SLC9A4: variants seen among roughly 807,000 people sequenced by gnomAD.
SLC9A4 encodes solute carrier family 9 member A4, also known as sodium/hydrogen exchanger 4.
Under a neutral mutation model 67.4 loss-of-function variants are expected in SLC9A4, and 63 were observed. The observed-to-expected ratio is 0.93, with a 90% CI of 0.76 to 1.15. The LOEUF (loss-of-function observed/expected upper bound fraction) is 1.15, where lower values mean the gene tolerates loss of function less well. Among genes scored for constraint, SLC9A4 ranks in the 50% most tolerant of loss-of-function variants. The pLI is 0.00. For synonymous variants in SLC9A4, 393 were observed against 367.2 expected, an observed-to-expected ratio of 1.07 and a Z score of -0.80; for missense variants, 1,089 against 987.7, an observed-to-expected ratio of 1.10 and a Z score of -1.38.
chr2:102,494,162 T>C (rs1684759443), intron 2 of SLC9A4, among the ~76,000 whole-genome samples: 1 of 151,948 alleles, frequency 6.6e-6, no homozygotes, highest in Admixed American at 6.5e-5. Context: ...AGATTTAATA[T>C]TATGACTACA....
Position 102,508,067 on chromosome 2 carries a change from C to T in SLC9A4, c.1199-12C>T, listed in dbSNP as rs780805806. On this transcript the variant is annotated splice_polypyrimidine_tract_variant and intron_variant, in intron 4 of 11. Coordinates refer to ENST00000295269, the MANE Select transcript of SLC9A4 (RefSeq NM_001011552.4). ...TGATCCTCTGCTCTAATACACGTTT[C>T]CCCCTTTCTAGGCGTATTTGCTCTC... 5.0e-6 allele frequency: 8 copies of T among 1,613,308 alleles called. No homozygotes were observed. Among genetic ancestry groups the T allele is most frequent in the South Asian group, 2.2e-5 (2 of 91,070 alleles).
At position 102,503,765 on chromosome 2, in the gene SLC9A4, T is replaced by G. The variant is rs570624222; in HGVS notation, c.980+58T>G. ...AATAGAAAGAAAGTTTAGAACCACA[T>G]CACATGAGCCAGGCATCTGGGAAAG... On this transcript the variant is annotated intron_variant, in intron 3 of 11. Transcript: ENST00000295269. 9 of 1,583,108 alleles carry G rather than the reference T, an allele frequency of 5.7e-6. No homozygotes were observed. The East Asian group carries it at 2.0e-4, about 36-fold the overall frequency.
intron 6 of SLC9A4, among the ~76,000 whole-genome samples, chr2:102,510,276 T>TACAGATACAGATACAGATATAGAC (rs1553413619): frequency 6.9e-6 from 1 of 144,504 alleles, no homozygotes; most frequent in Admixed American, 6.8e-5. Flanking sequence ...CAGATACAGA[T>TACAGATACAGATACAGATATAGAC]ATAGATATAG....
chr2:102,490,443 T>G (rs547652292), intron 2 of SLC9A4, among the ~76,000 whole-genome samples: 1 of 152,250 alleles, frequency 6.6e-6, no homozygotes, highest in Non-Finnish European at 1.5e-5. Context: ...TTATGTGGCC[T>G]TTCTTCTGTG....
At chr2:102,479,877 G>A (rs1250088328) in intron 2 of SLC9A4, among the ~76,000 whole-genome samples, 1 of 152,172 alleles carries the variant, frequency 6.6e-6, no homozygotes, top group African/African-American at 2.4e-5. Flanking sequence ...TTTCTGGTGG[G>A]AAACTGAGAA....
At position 102,473,925 on chromosome 2, in the gene SLC9A4, G is replaced by A. The variant is rs1684274452; in HGVS notation, c.166G>A (p.Gly56Arg). 1.9e-6 allele frequency: 3 copies of A among 1,614,074 alleles called. No individual in the cohort carries two copies. The highest frequency in any genetic ancestry group is 2.5e-6 in the Non-Finnish European group (3 of 1,179,956). The change falls in exon 1 of 12, where the codon GGG becomes AGG. Residue 56 changes from glycine to arginine, a missense_variant. Coordinates refer to ENST00000295269, the MANE Select transcript of SLC9A4 (RefSeq NM_001011552.4). Reference sequence around the variant, plus strand: ...TGCTGCCAGCTCAGAGCCAGAGGAAGGGATATCTGTTTTTGAACTGGATTA... The same window carrying A: ...TGCTGCCAGCTCAGAGCCAGAGGAAAGGATATCTGTTTTTGAACTGGATTA... ...FAAASSEPEE[G>R]ISVFELDYDY...
chr2:102,515,302 C>A (rs541124230), intron 8 of SLC9A4, among the ~76,000 whole-genome samples: 1 of 151,688 alleles, frequency 6.6e-6, no homozygotes, highest in Non-Finnish European at 1.5e-5. Context: ...CATCCCTTGC[C>A]TGCTAATAAA....
chr2:102,498,200 C>T (rs1684850845), intron 2 of SLC9A4, among the ~76,000 whole-genome samples: 1 of 152,198 alleles, frequency 6.6e-6, no homozygotes, highest in African/African-American at 2.4e-5. Context: ...TCTTTTGCAA[C>T]TATAATGTTA....
chr2:102,513,949 A>C, intron 7 of SLC9A4, 141 bp from the exon 8 acceptor site: 1 of 1,198,992 alleles, frequency 8.3e-7, no homozygotes. Context: ...AATGTGTTCA[A>C]ATGCTATGAA....
At chr2:102,497,250 A>G (rs1177671905) in intron 2 of SLC9A4, among the ~76,000 whole-genome samples, 2 of 152,218 alleles carry the variant, frequency 1.3e-5, no homozygotes, top group East Asian at 3.8e-4. Flanking sequence ...ATGACTTTGA[A>G]AAACAATTTG....
chr2:102,510,784 C>T (rs930304028), intron 6 of SLC9A4, among the ~76,000 whole-genome samples: 1 of 152,042 alleles, frequency 6.6e-6, no homozygotes, highest in Non-Finnish European at 1.5e-5. Flanking sequence ...CAAACATGGC[C>T]GAGTGGCAGA....
At chr2:102,520,412 G>A (rs971290356) in intron 9 of SLC9A4, among the ~76,000 whole-genome samples, 1 of 152,182 alleles carries the variant, frequency 6.6e-6, no homozygotes, top group Non-Finnish European at 1.5e-5. Flanking sequence ...TGAATAAAAG[G>A]AGACATCTTA....
intron 2 of SLC9A4, among the ~76,000 whole-genome samples, chr2:102,481,170 C>G (rs1684453792): frequency 6.6e-6 from 1 of 152,092 alleles, no homozygotes; most frequent in Admixed American, 6.6e-5. Flanking sequence ...CATAATTTTG[C>G]CAAATATCGT....
At chr2:102,529,984 A>G (rs1674746624) in intron 11 of SLC9A4, among the ~76,000 whole-genome samples, 1 of 152,216 alleles carries the variant, frequency 6.6e-6, no homozygotes, top group African/African-American at 2.4e-5. Context: ...CAGATGAAAA[A>G]GCTCTGGAGA....
intron 8 of SLC9A4, among the ~76,000 whole-genome samples, chr2:102,515,146 T>A (rs1685250368): frequency 6.6e-6 from 1 of 152,046 alleles, no homozygotes; most frequent in Non-Finnish European, 1.5e-5. Context: ...GCCCCCTCCA[T>A]CCTGTTGTCT....
At chr2:102,516,846 T>C (rs1412577839) in intron 8 of SLC9A4, among the ~76,000 whole-genome samples, 5 of 152,186 alleles carry the variant, frequency 3.3e-5, no homozygotes, top group Non-Finnish European at 7.3e-5. Context: ...CCTTACACAT[T>C]TTTTAATTAA....
chr2:102,478,954 C>T lies in SLC9A4; in HGVS notation c.372C>T (p.Val124=). Residue 124 remains valine, a synonymous_variant, in exon 2 of 12, where the codon GTC becomes GTT. Transcript: ENST00000295269. The part of the protein sequence containing the change: ...IFGTDHKSPP[V]MDSSIYFLYL... Reference sequence around the variant, plus strand: ...GCACCGACCACAAATCGCCTCCGGTCATGGACTCCAGCATCTACTTCCTGT... The same window carrying T: ...GCACCGACCACAAATCGCCTCCGGTTATGGACTCCAGCATCTACTTCCTGT... 6.2e-7 allele frequency: 1 copy of T among 1,614,134 alleles called. No homozygotes were observed. Among genetic ancestry groups the T allele is most frequent in the Non-Finnish European group, 8.5e-7 (1 of 1,179,988 alleles).
At chr2:102,531,315 T>C (rs1199456307) in intron 11 of SLC9A4, among the ~76,000 whole-genome samples, 1 of 152,106 alleles carries the variant, frequency 6.6e-6, no homozygotes, top group Non-Finnish European at 1.5e-5. Context: ...GAAGTGAGAG[T>C]AAATGATATA....
intron 4 of SLC9A4, 157 bp downstream of exon 4, chr2:102,505,628 G>A: frequency 1.5e-6 from 1 of 673,380 alleles, no homozygotes; most frequent in Non-Finnish European, 2.5e-6. Flanking sequence ...AATCTTTTCT[G>A]TTTGTTCCCT....
Sources: gnomAD v4.1 joint callset for allele counts (sites outside exome capture counted in the v4.1 genomes callset) on GRCh38, gnomAD v4.1.1 for gene constraint, MANE v1.5 for transcripts, NCBI Gene and HGNC (gene_info 2026-07-23, HGNC 2026-07-21) for gene names.